The following GEMIN2 variants were observed in gnomAD, a reference collection of about 807,000 sequenced individuals.
GEMIN2 encodes the protein gem nuclear organelle associated protein 2.
Under a neutral mutation model 45.8 loss-of-function variants are expected in GEMIN2, and 37 were observed. That is an observed-to-expected ratio of 0.81 (90% CI 0.62 to 1.06). The LOEUF is 1.06. Among genes scored for constraint, GEMIN2 ranks in the 50% least tolerant of loss-of-function variants. The probability of loss-of-function intolerance (pLI) is 0.00; values close to 1 mark genes in which losing one functional copy is unlikely to be tolerated. For missense variants in GEMIN2, 335 were observed against 321.8 expected (o/e 1.04, Z -0.31); for synonymous variants, 101 against 111.5 (o/e 0.91, Z 0.60).
In GEMIN2 at chr14:39,136,424, GTT is replaced by G; in HGVS notation, c.771-7_771-6del. 4.9e-6 allele frequency: 6 copies of G among 1,212,140 alleles called. No individual in the cohort carries two copies. Among genetic ancestry groups the G allele is most frequent in the Non-Finnish European group, 5.9e-6 (5 of 849,484 alleles). The allele number at this position is 1,212,140 out of a possible 1,614,324, so 75.1% of individuals were successfully genotyped here. On this transcript the variant is annotated splice_polypyrimidine_tract_variant and intron_variant, in intron 9 of 9. Transcript: ENST00000308317. Reference sequence around the variant, plus strand: ...TAATATCTTTATACATAAATTTTTTGTTTTTTTTTTACTAGGTATTTTGACCA... The same window carrying G: ...TAATATCTTTATACATAAATTTTTTGTTTTTTTTACTAGGTATTTTGACCA...
intron 5 of GEMIN2, among the ~76,000 whole-genome samples, chr14:39,123,798 A>C (rs1277431515): frequency 7.5e-6 from 1 of 134,008 alleles, no homozygotes; most frequent in Non-Finnish European, 1.5e-5. Context: ...ATAGCTCATT[A>C]CAGCTTCAAC....
rs536404142 is a variant in GEMIN2, at chr14:39,121,648, T to A, written c.373-782T>A. ...GTGGATTAAACAACAGAAATGTATT[T>A]ATTTTCTCAGTCTTGAAGGCTGAAA... On this transcript the variant is annotated intron_variant, in intron 4 of 9. Coordinates refer to ENST00000308317, the MANE Select transcript of GEMIN2 (RefSeq NM_003616.3). Among the ~76,000 whole-genome samples the A allele has an allele frequency of 6.6e-5, 10 of 152,330 alleles. 1 individual carries two copies. The South Asian group carries it at 2.1e-3, about 32-fold the overall frequency.
intron 1 of GEMIN2, 39 bp from the exon 2 acceptor site, chr14:39,114,790 A>C (rs893844958): frequency 8.9e-7 from 1 of 1,128,850 alleles, no homozygotes. Context: ...GCAAAGCACA[A>C]CAGAAATTTA....
At chr14:39,122,688 T>C (rs2052588621) in intron 5 of GEMIN2, 145 bp downstream of exon 5, 2 of 478,696 alleles carry the variant, frequency 4.2e-6, no homozygotes, top group Admixed American at 4.1e-5. Flanking sequence ...TTTTAGGTTT[T>C]GAAAGAGTAA....
At chr14:39,116,770 A>ATT (rs2052513506) in intron 2 of GEMIN2, among the ~76,000 whole-genome samples, 1 of 151,988 alleles carries the variant, frequency 6.6e-6, no homozygotes. Context: ...TGATTGATTG[A>ATT]GACAGGGTCT....
rs1427315146 is a variant in GEMIN2 at position 39,117,852 on chromosome 14, T to G, written c.223-147T>G. ...AAATAATAAAGTGAAATGCCTACTT[T>G]TTTACATCTGCAAAAATATTTTATT... On this transcript the variant is annotated intron_variant, in intron 2 of 9. Coordinates refer to ENST00000308317, the MANE Select transcript of GEMIN2 (RefSeq NM_003616.3). The G allele has an allele frequency of 1.1e-5, 5 of 470,232 alleles. No homozygotes were observed. In the South Asian group the frequency reaches 1.9e-4, roughly 18 times the overall value. 29.1% of individuals were successfully genotyped at this position (470,232 alleles called of 1,614,324 possible). A position where few individuals can be genotyped will look rare whatever the true frequency, so the allele number is the denominator to read the frequency against.
intron 7 of GEMIN2, among the ~76,000 whole-genome samples, chr14:39,130,648 C>T (rs1178676662): frequency 6.6e-6 from 1 of 152,134 alleles, no homozygotes; most frequent in Non-Finnish European, 1.5e-5. Context: ...AATCCCAGCA[C>T]TTAGGGAGGC....
At chr14:39,130,055 C>T (rs2052697589) in intron 7 of GEMIN2, among the ~76,000 whole-genome samples, 1 of 150,228 alleles carries the variant, frequency 6.7e-6, no homozygotes, top group South Asian at 2.1e-4. Context: ...ATCCTCCTGC[C>T]TCAGCCTCCT....
chr14:39,133,530 T>C, intron 8 of GEMIN2, 131 bp from the exon 9 acceptor site: 1 of 433,708 alleles, frequency 2.3e-6, no homozygotes. Flanking sequence ...CTTTGAGGGC[T>C]CCTATTTCCA....
At chr14:39,136,266 T>C (rs1380403790) in intron 9 of GEMIN2, among the ~76,000 whole-genome samples, 174 bp from the exon 10 acceptor site, 1 of 152,150 alleles carries the variant, frequency 6.6e-6, no homozygotes, top group Non-Finnish European at 1.5e-5. Flanking sequence ...AGTATAAATA[T>C]TTCCCTCATT....
At chr14:39,122,632 C>A in intron 5 of GEMIN2, 89 bp downstream of exon 5, 2 of 636,882 alleles carry the variant, frequency 3.1e-6, no homozygotes, top group Non-Finnish European at 5.5e-6. Flanking sequence ...TACCCTGGGC[C>A]AAGTCCAGTT....
At chr14:39,132,990 GTGTGTGTGTGTATATATA>G (rs1346787449) in intron 8 of GEMIN2, among the ~76,000 whole-genome samples, 2 of 120,598 alleles carry the variant, frequency 1.7e-5, no homozygotes, top group African/African-American at 3.6e-5. Flanking sequence ...GTGTGTGTGT[GTGTGTGTGTGTATATATA>G]TGTGTGTGTG....
intron 2 of GEMIN2, among the ~76,000 whole-genome samples, chr14:39,115,395 G>T (rs984319295): frequency 1.3e-5 from 2 of 150,620 alleles, no homozygotes; most frequent in Non-Finnish European, 2.9e-5. Context: ...AGTGTGCTTT[G>T]CATGTTCTGA....
chr14:39,115,622 A>G (rs60412490), intron 2 of GEMIN2, among the ~76,000 whole-genome samples: 2,227 of 151,418 alleles, frequency 0.015, 57 homozygotes, highest in African/African-American at 0.051. Flanking sequence ...ACACCCGGCT[A>G]ATTTTTGTAT....
rs985249595 is a variant in GEMIN2, at chr14:39,122,628, G to A, written c.486+85G>A. ...ATAAGGGGTCAGCAAACTCTACCCT[G>A]GGCCAAGTCCAGTTCATGGCCTTTT... On this transcript the variant is annotated intron_variant, in intron 5 of 9. Coordinates refer to ENST00000308317, the MANE Select transcript of GEMIN2 (RefSeq NM_003616.3). 4.5e-6 allele frequency: 3 copies of A among 664,508 alleles called. No individual in the cohort carries two copies. In the African/African-American group the frequency reaches 5.6e-5, roughly 12 times the overall value. The allele number at this position is 664,508 out of a possible 1,614,324, so 41.2% of individuals were successfully genotyped here. A position where few individuals can be genotyped will look rare whatever the true frequency, so the allele number is the denominator to read the frequency against.
chr14:39,129,919 A>G (rs17108840), intron 7 of GEMIN2, among the ~76,000 whole-genome samples: 4,947 of 140,256 alleles, frequency 0.035, 292 homozygotes, highest in African/African-American at 0.12. Context: ...TCCTTATCTC[A>G]TTGCAGACAA....
At position 39,114,426 on chromosome 14, in the gene GEMIN2, G is replaced by C. The variant is rs755820639; in HGVS notation, c.88G>C (p.Asp30His). The C allele has an allele frequency of 1.2e-6, 2 of 1,614,018 alleles. No homozygotes were observed. The highest frequency in any genetic ancestry group is 1.7e-6 in the Non-Finnish European group (2 of 1,179,900). The change falls in exon 1 of 10, where the codon GAT becomes CAT. Residue 30 changes from aspartate to histidine, a missense_variant. By Grantham distance (81) the Asp-to-His change is moderately conservative. Coordinates refer to ENST00000308317, the MANE Select transcript of GEMIN2 (RefSeq NM_003616.3). Reference sequence around the variant, plus strand: ...GCCTTGCGACTTGACGGAAGGTTTCGATCCCTCGGTACCCCCGAGGACGCC... The same window carrying C: ...GCCTTGCGACTTGACGGAAGGTTTCCATCCCTCGGTACCCCCGAGGACGCC... ...VEPCDLTEGFDPSVPPRTPQE... is the reference protein window; with the variant it reads ...VEPCDLTEGFHPSVPPRTPQE...
chr14:39,132,868 AG>A, intron 8 of GEMIN2, among the ~76,000 whole-genome samples: 1 of 150,344 alleles, frequency 6.7e-6, no homozygotes, highest in Non-Finnish European at 1.5e-5. Context: ...TAGTAGAGAC[AG>A]GGTTTCACCA....
intron 5 of GEMIN2, among the ~76,000 whole-genome samples, chr14:39,123,708 A>ATATATATATATATATT (rs1555333787): frequency 8.0e-5 from 3 of 37,686 alleles, no homozygotes; most frequent in African/African-American, 1.3e-4. Flanking sequence ...ATATATATAT[A>ATATATATATATATATT]TTTTTTTTTT....
Sources: allele counts gnomAD v4.1 joint callset (sites outside exome capture counted in the v4.1 genomes callset), GRCh38; gene constraint gnomAD v4.1.1; transcripts MANE v1.5; gene names NCBI Gene and HGNC (gene_info 2026-07-23, HGNC 2026-07-21).